The following TNMD variants were observed in gnomAD, a reference collection of about 807,000 sequenced individuals.
The protein encoded by TNMD is tenomodulin.
A neutral mutation model predicts 26.9 loss-of-function variants in TNMD; 15 were observed. The ratio of observed to expected loss-of-function variants is 0.56; its 90% confidence interval spans 0.37 to 0.86. The LOEUF (loss-of-function observed/expected upper bound fraction) is 0.86. Among genes scored for constraint, TNMD ranks in the 40% least tolerant of loss-of-function variants. The pLI is 0.00. For missense variants in TNMD, 222 were observed against 242.6 expected (o/e 0.92, Z 0.56); for synonymous variants, 73 against 77.0 (o/e 0.95, Z 0.27).
chrX:100,593,004 C>T (rs1033358609), intron 2 of TNMD, among the ~76,000 whole-genome samples: 3 of 112,230 alleles, frequency 2.7e-5, no homozygotes, highest in Admixed American at 1.9e-4. Flanking sequence ...TGCTTATTTG[C>T]TTCTACCTAT....
chrX:100,594,493 T>C (rs1242586572), intron 4 of TNMD, 131 bp downstream of exon 4: 2 of 383,256 alleles, frequency 5.2e-6, no homozygotes, highest in African/African-American at 2.6e-5. Flanking sequence ...ACTATTGTTA[T>C]CATCATTTTC....
intron 2 of TNMD, among the ~76,000 whole-genome samples, chrX:100,591,992 CTGTATTTTCTCTTTCGCCCAGGTAGGCAG>C (rs2147607364): frequency 9.0e-6 from 1 of 111,247 alleles, no homozygotes; most frequent in East Asian, 2.8e-4. Flanking sequence ...AAAATACAGC[CTGTATTTTCTCTTTCGCCCAGGTAGGCAG>C]TGTTCCAGCA....
intron 2 of TNMD, among the ~76,000 whole-genome samples, chrX:100,587,075 T>A (rs1184316754): frequency 1.8e-5 from 2 of 112,541 alleles, no homozygotes; most frequent in African/African-American, 6.5e-5. Context: ...ATGGCCTTTC[T>A]TGTTTTATTG....
At chrX:100,599,487 A>G (rs1290578883) in intron 6 of TNMD, 21 bp from the exon 7 acceptor site, 1 of 1,182,349 alleles carries the variant, frequency 8.5e-7, no homozygotes, top group Non-Finnish European at 1.1e-6. Context: ...CACCCCCAAC[A>G]CTGGCTTCTT....
In TNMD at chrX:100,597,577, G is replaced by T. The variant is rs766097519; in HGVS notation, c.497G>T (p.Arg166Leu). ...CCAGCAGAAAAGCCTATTGAAAACC[G>T]AGATTTTCTTAAAAATTCCAAAATT... The part of the protein sequence containing the change: ...WVPAEKPIEN[R>L]DFLKNSKILE... The change falls in exon 5 of 7, where the codon CGA becomes CTA. Residue 166 changes from arginine (R) to leucine (L), a missense_variant. By Grantham distance (102) the Arg-to-Leu change is moderately radical (BLOSUM62 -2). Transcript: ENST00000373031. The T allele has an allele frequency of 8.3e-7, 1 of 1,210,828 alleles. No individual in the cohort carries two copies. The highest frequency in any genetic ancestry group is 2.2e-5 in the Admixed American group (1 of 46,012).
At chrX:100,585,480 C>T (rs1377911849) in intron 2 of TNMD, 118 bp downstream of exon 2, 2 of 835,220 alleles carry the variant, frequency 2.4e-6, no homozygotes, top group African/African-American at 4.2e-5. Context: ...TGTTTATTTT[C>T]TGGTGGTATG....
At chrX:100,591,914 C>G (rs2082938820) in intron 2 of TNMD, among the ~76,000 whole-genome samples, 1 of 111,648 alleles carries the variant, frequency 9.0e-6, no homozygotes, top group African/African-American at 3.3e-5. Context: ...CAGGAAAACT[C>G]ATTCCACAGA....
chrX:100,593,684 T>G, intron 2 of TNMD: 1 of 341,332 alleles, frequency 2.9e-6, no homozygotes, highest in African/African-American at 2.7e-5. Context: ...AAGGGGAAAA[T>G]ACTTTATAGG....
At chrX:100,598,083 G>A (rs1602690556) in intron 5 of TNMD, among the ~76,000 whole-genome samples, 1 of 112,003 alleles carries the variant, frequency 8.9e-6, no homozygotes, top group Non-Finnish European at 1.9e-5. Context: ...TTAGAAGATA[G>A]GACAATCACT....
Position 100,598,999 on chromosome X carries a change from T to G in TNMD, c.578-17T>G. The G allele has an allele frequency of 8.5e-7, 1 of 1,181,560 alleles. No homozygotes were observed. The highest frequency in any genetic ancestry group is 1.1e-6 in the Non-Finnish European group (1 of 877,479). ...TTGCAAAGCAGTTGCATCACAACTT[T>G]GCATTTATTATCTTAGTTTCTGAGT... On this transcript the variant is annotated splice_polypyrimidine_tract_variant and intron_variant, in intron 5 of 6. Transcript: ENST00000373031.
intron 4 of TNMD, among the ~76,000 whole-genome samples, chrX:100,595,288 C>G (rs1376445674): frequency 9.1e-6 from 1 of 110,362 alleles, no homozygotes; most frequent in African/African-American, 3.3e-5. Context: ...TCTTCTTCTT[C>G]TTTGTATTTT....
intron 2 of TNMD, among the ~76,000 whole-genome samples, 199 bp downstream of exon 2, chrX:100,585,561 C>T (rs1476331791): frequency 9.0e-6 from 1 of 111,261 alleles, no homozygotes; most frequent in Non-Finnish European, 1.9e-5. Flanking sequence ...AATTTATCTT[C>T]TATATTTTGG....
chrX:100,587,299 G>A (rs1290843242), intron 2 of TNMD, among the ~76,000 whole-genome samples: 1 of 111,975 alleles, frequency 8.9e-6, no homozygotes, highest in Non-Finnish European at 1.9e-5. Flanking sequence ...ATGATTATAA[G>A]GAGCAATCCT....
rs1248597873 is a variant in TNMD, at chrX:100,594,282, G to A, written c.343G>A (p.Val115Met). The change falls in exon 4 of 7, where the codon GTG becomes ATG. Residue 115 changes from valine (V) to methionine (M), a missense_variant. Physicochemically the swap from Val to Met is conservative, Grantham distance 21. Transcript: ENST00000373031. The stretch of plus-strand genomic sequence containing the variant: ...ATAGGGATACACTGGCATCTACTTC[G>A]TGGGTCTTCAAAAATGTTTTATCAA... ...FKNGYTGIYF[V>M]GLQKCFIKTQ... is the part of the protein sequence containing the mutation. The A allele has an allele frequency of 1.2e-5, 14 of 1,195,426 alleles. No individual in the cohort carries two copies. The highest frequency in any genetic ancestry group is 3.7e-5 in the South Asian group (2 of 54,158).
intron 2 of TNMD, among the ~76,000 whole-genome samples, chrX:100,592,904 A>G (rs1421896761): frequency 1.7e-4 from 19 of 111,964 alleles, no homozygotes; most frequent in African/African-American, 5.5e-4. Flanking sequence ...AACTCGATAA[A>G]CAAAGGTCTC....
intron 4 of TNMD, among the ~76,000 whole-genome samples, chrX:100,594,734 C>T (rs779217390): frequency 2.9e-4 from 33 of 112,056 alleles, no homozygotes; most frequent in Non-Finnish European, 4.5e-4. Context: ...TCAATCTTGC[C>T]TCAGATAAAG....
chrX:100,594,206 C>T, intron 3 of TNMD, 55 bp from the exon 4 acceptor site: 1 of 1,026,953 alleles, frequency 9.7e-7, no homozygotes, highest in Non-Finnish European at 1.3e-6. Context: ...GATCATGGAA[C>T]TTACTAATAG....
In TNMD at chrX:100,587,445, C is replaced by T. The variant is rs145852884; in HGVS notation, c.180+2083C>T. 5.3e-3 allele frequency among the ~76,000 whole-genome samples: 592 copies of T among 112,398 alleles called. 2 individuals are homozygous for T. In the Middle Eastern group the frequency reaches 0.065, roughly 12 times the overall value. ...TGGGATGTCATTTTCAGCAAAGGGA[C>T]TCTCAGAAATGAACAAAGCTATTAT... On this transcript the variant is annotated intron_variant, in intron 2 of 6. Coordinates refer to ENST00000373031, the MANE Select transcript of TNMD (RefSeq NM_022144.3).
In TNMD at chrX:100,597,556, C is replaced by T. The variant is rs1788323032; in HGVS notation, c.476C>T (p.Ala159Val). The change falls in exon 5 of 7, where the codon GCA becomes GTA. Residue 159 changes from alanine to valine, a missense_variant. Transcript: ENST00000373031. ...GAACAGTCAGTGATTTGGGTCCCAG[C>T]AGAAAAGCCTATTGAAAACCGAGAT... ...FFEQSVIWVP[A>V]EKPIENRDFL... 8.3e-7 allele frequency: 1 copy of T among 1,209,752 alleles called. No individual in the cohort carries two copies. Among genetic ancestry groups the T allele is most frequent in the Non-Finnish European group, 1.1e-6 (1 of 894,884 alleles).
Sources: allele counts gnomAD v4.1 joint callset (sites outside exome capture counted in the v4.1 genomes callset), GRCh38; gene constraint gnomAD v4.1.1; transcripts MANE v1.5; gene names NCBI Gene and HGNC (gene_info 2026-07-23, HGNC 2026-07-21).